DIAPH3: variants seen among roughly 807,000 people sequenced by gnomAD.
The protein encoded by DIAPH3 is protein diaphanous homolog 3.
A neutral mutation model predicts 144.3 loss-of-function variants in DIAPH3; 117 were observed. The observed-to-expected ratio is 0.81, with a 90% CI of 0.70 to 0.95. The LOEUF (loss-of-function observed/expected upper bound fraction) is 0.95, where lower values mean the gene tolerates loss of function less well. DIAPH3 is among the 40% of genes least tolerant of loss of function. The pLI is 0.00. For synonymous variants in DIAPH3, 519 were observed against 488.9 expected (o/e 1.06, Z -0.81); for missense variants, 1,421 against 1,412.7 (o/e 1.01, Z -0.09).
chr13:60,042,537 T>C, intron 5 of DIAPH3, 153 bp downstream of exon 5: 1 of 931,940 alleles, frequency 1.1e-6, no homozygotes, highest in South Asian at 1.5e-5. Flanking sequence ...AAGGTACTAT[T>C]GAGACTATAT....
At chr13:59,830,196 C>G (rs1219478523) in intron 24 of DIAPH3, among the ~76,000 whole-genome samples, 1 of 151,734 alleles carries the variant, frequency 6.6e-6, no homozygotes, top group African/African-American at 2.4e-5. Context: ...CCTGACAAAA[C>G]GAGACATTTA....
At chr13:59,776,352 T>C (rs1434852803) in intron 25 of DIAPH3, among the ~76,000 whole-genome samples, 1 of 152,170 alleles carries the variant, frequency 6.6e-6, no homozygotes, top group Non-Finnish European at 1.5e-5. Context: ...ACAATAAATG[T>C]AATTCTAAGT....
intron 9 of DIAPH3, among the ~76,000 whole-genome samples, chr13:59,993,927 C>T (rs1196152583): frequency 1.3e-5 from 2 of 151,738 alleles, no homozygotes; most frequent in Non-Finnish European, 2.9e-5. Context: ...CTAAATCAAA[C>T]TCAGTCACCT....
chr13:60,145,414 G>A (rs1951460762), intron 1 of DIAPH3, among the ~76,000 whole-genome samples: 1 of 152,248 alleles, frequency 6.6e-6, no homozygotes, highest in Admixed American at 6.5e-5. Context: ...CAGGGAGGCT[G>A]AGGCGGGTGG....
At chr13:59,887,011 A>G (rs2045496148) in intron 20 of DIAPH3, among the ~76,000 whole-genome samples, 1 of 152,112 alleles carries the variant, frequency 6.6e-6, no homozygotes, top group Admixed American at 6.6e-5. Context: ...TTCACCCTTA[A>G]GTTGAGTATA....
At chr13:59,824,711 C>CA (rs1296812858) in intron 24 of DIAPH3, among the ~76,000 whole-genome samples, 2 of 152,006 alleles carry the variant, frequency 1.3e-5, no homozygotes, top group Admixed American at 6.6e-5. Flanking sequence ...TACCCATCTA[C>CA]AAAAAAGAGA....
intron 17 of DIAPH3, among the ~76,000 whole-genome samples, chr13:59,940,590 A>C (rs558049341): frequency 1.3e-5 from 2 of 152,284 alleles, no homozygotes; most frequent in South Asian, 4.1e-4. Flanking sequence ...GGAAACATCA[A>C]ATCTGTATTT....
intron 25 of DIAPH3, among the ~76,000 whole-genome samples, chr13:59,790,553 A>G (rs1191829839): frequency 6.6e-6 from 1 of 152,220 alleles, no homozygotes; most frequent in Non-Finnish European, 1.5e-5. Context: ...CTGCCCAAAT[A>G]TAATGTCCTT....
At chr13:59,948,421 C>T (rs1464895181) in intron 17 of DIAPH3, among the ~76,000 whole-genome samples, 1 of 152,066 alleles carries the variant, frequency 6.6e-6, no homozygotes, top group African/African-American at 2.4e-5. Flanking sequence ...AGTCCCTGTA[C>T]GTCTACCTAG....
intron 27 of DIAPH3, among the ~76,000 whole-genome samples, chr13:59,669,146 T>C (rs915979247): frequency 2.0e-5 from 3 of 152,188 alleles, no homozygotes; most frequent in Non-Finnish European, 2.9e-5. Context: ...TACTTCAAAA[T>C]GCCTTCTAAC....
intron 27 of DIAPH3, among the ~76,000 whole-genome samples, chr13:59,686,111 C>T (rs1314863519): frequency 6.6e-6 from 1 of 151,980 alleles, no homozygotes; most frequent in Admixed American, 6.6e-5. Flanking sequence ...CTATTTGATT[C>T]TATAAGCAAA....
chr13:59,935,718 T>C (rs557559937), intron 17 of DIAPH3, among the ~76,000 whole-genome samples: 8 of 152,188 alleles, frequency 5.3e-5, no homozygotes, highest in African/African-American at 1.9e-4. Context: ...CATAAATAAA[T>C]GGGTGTGTAC....
At chr13:60,131,435 CAA>C (rs777909368) in intron 2 of DIAPH3, among the ~76,000 whole-genome samples, 107 of 29,280 alleles carry the variant, frequency 3.7e-3, no homozygotes, top group African/African-American at 9.0e-3. Flanking sequence ...GACCCTGTCT[CAA>C]AAAAAAAAAA....
rs535867900 is a variant in DIAPH3, at chr13:59,832,807, C to T, written c.3027+300G>A. On this transcript the variant is annotated intron_variant, in intron 24 of 27. Transcript: ENST00000400324. ...ATCTTGAAGTATAAAGAAACAAATT[C>T]ATAGCCAAAAACTTATTACAGAAGT... 2.0e-4 allele frequency among the ~76,000 whole-genome samples: 30 copies of T among 151,824 alleles called. No individual in the cohort carries two copies. The South Asian group carries it at 6.0e-3, about 30-fold the overall frequency.
intron 20 of DIAPH3, among the ~76,000 whole-genome samples, chr13:59,895,327 T>G (rs1428983901): frequency 1.3e-5 from 2 of 150,354 alleles, no homozygotes; most frequent in Non-Finnish European, 2.9e-5. Context: ...AACTGTAATA[T>G]CTAGACTTGG....
At chr13:60,124,240 G>A (rs921669204) in intron 2 of DIAPH3, among the ~76,000 whole-genome samples, 2 of 152,150 alleles carry the variant, frequency 1.3e-5, no homozygotes, top group East Asian at 3.9e-4. Context: ...ATCCACAGCA[G>A]GTGATTTCTG....
intron 18 of DIAPH3, among the ~76,000 whole-genome samples, chr13:59,918,968 A>G (rs1488616113): frequency 1.3e-5 from 2 of 150,314 alleles, no homozygotes; most frequent in Non-Finnish European, 3.0e-5. Flanking sequence ...AAAAATCAGT[A>G]TTTTTTAACA....
chr13:60,039,752 T>G (rs894623383), intron 5 of DIAPH3, among the ~76,000 whole-genome samples: 1 of 152,172 alleles, frequency 6.6e-6, no homozygotes, highest in Non-Finnish European at 1.5e-5. Flanking sequence ...AACAATGATC[T>G]CAAACTTAAG....
intron 4 of DIAPH3, among the ~76,000 whole-genome samples, chr13:60,067,066 T>C (rs999238885): frequency 4.6e-5 from 7 of 152,064 alleles, no homozygotes; most frequent in Non-Finnish European, 1.0e-4. Context: ...ATTGCTTGAC[T>C]CCAGGAGTTC....
Sources: allele counts gnomAD v4.1 joint callset (sites outside exome capture counted in the v4.1 genomes callset), GRCh38; gene constraint gnomAD v4.1.1; transcripts MANE v1.5; gene names NCBI Gene and HGNC (gene_info 2026-07-23, HGNC 2026-07-21).